The following RCAN2 variants were observed in gnomAD, a reference collection of about 807,000 sequenced individuals.
RCAN2 encodes the protein regulator of calcineurin 2.
Under a neutral mutation model 23.6 loss-of-function variants are expected in RCAN2, and 9 were observed. The observed-to-expected ratio is 0.38, with a 90% CI of 0.23 to 0.67. The LOEUF is 0.67. Among genes scored for constraint, RCAN2 ranks in the 30% least tolerant of loss-of-function variants. The probability of loss-of-function intolerance (pLI) is 0.51; values close to 1 mark genes in which losing one functional copy is unlikely to be tolerated. For synonymous variants in RCAN2, 109 were observed against 115.7 expected (o/e 0.94, Z 0.37); for missense variants, 273 against 302.3 (o/e 0.90, Z 0.72).
intron 2 of RCAN2, among the ~76,000 whole-genome samples, chr6:46,373,057 A>T (rs1449102401): frequency 1.3e-5 from 2 of 152,214 alleles, no homozygotes; most frequent in Admixed American, 6.5e-5. Flanking sequence ...AGTTACCAAC[A>T]CATCCTAGCA....
At chr6:46,488,809 C>A (rs1582242055) in intron 1 of RCAN2, among the ~76,000 whole-genome samples, 1 of 152,152 alleles carries the variant, frequency 6.6e-6, no homozygotes, top group South Asian at 2.1e-4. Context: ...CCTGAAATGG[C>A]TCTGTATAGA....
chr6:46,258,274 C>A (rs1766986876), intron 2 of RCAN2, among the ~76,000 whole-genome samples: 1 of 152,204 alleles, frequency 6.6e-6, no homozygotes, highest in Non-Finnish European at 1.5e-5. Flanking sequence ...GGACAGGATG[C>A]AGACTCCTTA....
At chr6:46,442,701 C>A (rs753482146) in intron 2 of RCAN2, among the ~76,000 whole-genome samples, 6 of 152,108 alleles carry the variant, frequency 3.9e-5, no homozygotes, top group Non-Finnish European at 7.4e-5. Context: ...ATATGTTTAC[C>A]CACTTTTTGG....
At position 46,223,376 on chromosome 6, in the gene RCAN2, G is replaced by A. The variant is rs1002781473; in HGVS notation, c.572-75C>T. On this transcript the variant is annotated intron_variant, in intron 4 of 4. Coordinates refer to ENST00000371374, the MANE Select transcript of RCAN2 (RefSeq NM_001251974.2). ...AGATCCTGGAGCAGGGTCTGCTTAG[G>A]AAATGACAGGAGCATTTTCCAGGGT... is the stretch of plus-strand genomic sequence containing the variant. 8 of 1,375,322 alleles carry A rather than the reference G, an allele frequency of 5.8e-6. No individual in the cohort carries two copies. The Admixed American group carries it at 7.4e-5, about 13-fold the overall frequency. 85.2% of individuals were successfully genotyped at this position (1,375,322 alleles called of 1,614,324 possible).
chr6:46,411,003 C>G (rs1223677522), intron 2 of RCAN2, among the ~76,000 whole-genome samples: 2 of 152,120 alleles, frequency 1.3e-5, no homozygotes, highest in Non-Finnish European at 2.9e-5. Flanking sequence ...ACCATGTGAC[C>G]CTTAACAAAC....
intron 1 of RCAN2, chr6:46,468,730 C>G: frequency 1.2e-5 from 9 of 720,092 alleles, no homozygotes; most frequent in Non-Finnish European, 1.5e-5. Context: ...CCTCAGATTC[C>G]CTCTCTCCCC....
intron 4 of RCAN2, among the ~76,000 whole-genome samples, chr6:46,225,783 A>G (rs1244078577): frequency 6.6e-6 from 1 of 152,058 alleles, no homozygotes; most frequent in Non-Finnish European, 1.5e-5. Flanking sequence ...GAAGCTCTTT[A>G]GTTTAATTAG....
Position 46,248,841 on chromosome 6 carries a change from A to T in RCAN2, c.281T>A (p.Phe94Tyr), listed in dbSNP as rs1582028661. 1 of 1,613,050 alleles carries T rather than the reference A, an allele frequency of 6.2e-7. No homozygotes were observed. Among genetic ancestry groups the T allele is most frequent in the Non-Finnish European group, 8.5e-7 (1 of 1,179,786 alleles). The change falls in exon 3 of 5, where the codon TTT becomes TAT. Residue 94 changes from phenylalanine to tyrosine, a missense_variant. Coordinates refer to ENST00000371374, the MANE Select transcript of RCAN2 (RefSeq NM_001251974.2). ...TATACGGACACGTCTGAAACTCTTA[A>T]ATAGCTGGAACGTCACACAGTCATC... ...TYDDCVTFQL[F>Y]KSFRRVRINF...
intron 2 of RCAN2, among the ~76,000 whole-genome samples, chr6:46,434,166 T>A (rs1433890573): frequency 6.6e-6 from 1 of 152,242 alleles, no homozygotes; most frequent in Non-Finnish European, 1.5e-5. Context: ...CTCACAAAGA[T>A]AGCTGCTTTT....
intron 2 of RCAN2, among the ~76,000 whole-genome samples, chr6:46,372,184 C>T (rs1200673999): frequency 6.6e-6 from 1 of 152,300 alleles, no homozygotes; most frequent in East Asian, 1.9e-4. Flanking sequence ...AGACAAAAGG[C>T]TGATGACTAG....
chr6:46,439,835 T>C (rs1364574044), intron 2 of RCAN2, among the ~76,000 whole-genome samples: 1 of 152,220 alleles, frequency 6.6e-6, no homozygotes, highest in African/African-American at 2.4e-5. Flanking sequence ...TGATTATCAC[T>C]GCCACATTTA....
At chr6:46,438,042 G>A (rs1336677955) in intron 2 of RCAN2, among the ~76,000 whole-genome samples, 1 of 152,142 alleles carries the variant, frequency 6.6e-6, no homozygotes, top group East Asian at 1.9e-4. Context: ...GGGTTTACTT[G>A]GAGAAGCAGC....
At chr6:46,322,164 G>T (rs1763638799) in intron 2 of RCAN2, among the ~76,000 whole-genome samples, 1 of 152,208 alleles carries the variant, frequency 6.6e-6, no homozygotes, top group Non-Finnish European at 1.5e-5. Flanking sequence ...TTTCCCAAGG[G>T]TTTGGCTCTT....
chr6:46,369,896 C>T (rs1056744670), intron 2 of RCAN2, among the ~76,000 whole-genome samples: 1 of 152,136 alleles, frequency 6.6e-6, no homozygotes, highest in African/African-American at 2.4e-5. Flanking sequence ...TCTTTCCAAA[C>T]CAAAAAGAAG....
intron 4 of RCAN2, among the ~76,000 whole-genome samples, chr6:46,223,503 A>G (rs1026370491): frequency 6.6e-6 from 1 of 152,176 alleles, no homozygotes; most frequent in African/African-American, 2.4e-5. Flanking sequence ...TCAACTGTGC[A>G]ACCCCAAACA....
intron 2 of RCAN2, among the ~76,000 whole-genome samples, chr6:46,376,580 T>C (rs1306756430): frequency 6.6e-6 from 1 of 152,072 alleles, no homozygotes; most frequent in Non-Finnish European, 1.5e-5. Context: ...CTCGGGAGGC[T>C]GAGGCAGAAG....
intron 4 of RCAN2, among the ~76,000 whole-genome samples, chr6:46,225,016 A>G (rs1478864690): frequency 1.4e-5 from 2 of 147,820 alleles, no homozygotes; most frequent in African/African-American, 5.0e-5. Context: ...CCCACCTATG[A>G]GTGAGAATAT....
chr6:46,450,250 A>C (rs986322203), intron 2 of RCAN2, among the ~76,000 whole-genome samples: 1 of 152,048 alleles, frequency 6.6e-6, no homozygotes, highest in Non-Finnish European at 1.5e-5. Context: ...ACCGCAATGA[A>C]ATATCACCTC....
chr6:46,402,743 C>T (rs964666395), intron 2 of RCAN2, among the ~76,000 whole-genome samples: 2 of 152,186 alleles, frequency 1.3e-5, no homozygotes, highest in Middle Eastern at 3.2e-3. Flanking sequence ...AAACATATTT[C>T]TACACAGCTG....
Sources: gnomAD v4.1 joint callset for allele counts (sites outside exome capture counted in the v4.1 genomes callset) on GRCh38, gnomAD v4.1.1 for gene constraint, MANE v1.5 for transcripts, NCBI Gene and HGNC (gene_info 2026-07-23, HGNC 2026-07-21) for gene names.